Variants in POLA1 observed in about 807,000 individuals in gnomAD.
POLA1 encodes the protein DNA polymerase alpha catalytic subunit.
POLA1 carries 15 observed loss-of-function variants against 124.0 expected under a neutral mutation model. The ratio of observed to expected loss-of-function variants is 0.12; its 90% CI spans 0.08 to 0.19. The LOEUF (loss-of-function observed/expected upper bound fraction) is 0.19, where lower values mean the gene tolerates loss of function less well. Among genes scored for constraint, POLA1 ranks in the 10% least tolerant of loss-of-function variants. POLA1 has a pLI of 1.00. For missense variants in POLA1, 886 were observed against 1,103.4 expected (o/e 0.80, Z 2.79); for synonymous variants, 408 against 389.4 (o/e 1.05, Z -0.56).
intron 25 of POLA1, among the ~76,000 whole-genome samples, 181 bp from the exon 26 acceptor site, chrX:24,748,689 T>C (rs1469298974): frequency 1.8e-5 from 2 of 112,459 alleles, no homozygotes; most frequent in Non-Finnish European, 3.8e-5. Flanking sequence ...CTGTGTTTAC[T>C]TGCTGCTTCT....
intron 35 of POLA1, among the ~76,000 whole-genome samples, chrX:24,904,560 T>G (rs1199179848): frequency 9.0e-6 from 1 of 111,058 alleles, no homozygotes; most frequent in Non-Finnish European, 1.9e-5. Context: ...CCTCTTTCTC[T>G]TTCTTCCTAT....
At chrX:24,854,911 A>G (rs1014832459) in intron 34 of POLA1, among the ~76,000 whole-genome samples, 3 of 111,758 alleles carry the variant, frequency 2.7e-5, no homozygotes, top group African/African-American at 9.7e-5. Flanking sequence ...AATTGGATAT[A>G]TCTAAGAATA....
chrX:24,943,322 T>A (rs764867389), intron 36 of POLA1, among the ~76,000 whole-genome samples: 2 of 112,418 alleles, frequency 1.8e-5, no homozygotes, highest in Admixed American at 1.9e-4. Context: ...ACAATAAAAA[T>A]TAAAGTCCTG....
At chrX:24,741,115 TTGTGTGTGTGTGTGTGTGTG>T (rs751996539) in intron 20 of POLA1, among the ~76,000 whole-genome samples, 2 of 89,559 alleles carry the variant, frequency 2.2e-5, no homozygotes, top group African/African-American at 7.8e-5. Flanking sequence ...TTATGGGATT[TTGTGTGTGTGTGTGTGTGTG>T]TGTGTGTGTG....
At chrX:24,947,441 G>T (rs1788463568) in intron 36 of POLA1, among the ~76,000 whole-genome samples, 1 of 105,589 alleles carries the variant, frequency 9.5e-6, no homozygotes, top group Non-Finnish European at 2.0e-5. Flanking sequence ...CTAATTTTTT[G>T]TATTTTTTTT....
intron 36 of POLA1, among the ~76,000 whole-genome samples, chrX:24,972,988 A>AGC (rs1463170934): frequency 2.7e-5 from 3 of 112,282 alleles, no homozygotes; most frequent in Non-Finnish European, 5.6e-5. Context: ...TAGACAAAGA[A>AGC]GCTTAGCCTT....
At chrX:24,761,856 T>C (rs999685112) in intron 26 of POLA1, among the ~76,000 whole-genome samples, 3 of 111,929 alleles carry the variant, frequency 2.7e-5, no homozygotes, top group Non-Finnish European at 5.6e-5. Flanking sequence ...CCCACTGCCT[T>C]GAGAGGAAAG....
intron 34 of POLA1, among the ~76,000 whole-genome samples, chrX:24,882,653 C>T (rs1394900767): frequency 9.5e-6 from 1 of 105,669 alleles, no homozygotes; most frequent in Admixed American, 1.0e-4. Context: ...TGATCTCATT[C>T]TTTTTTATGG....
chrX:24,797,144 A>T (rs924709477), intron 26 of POLA1, among the ~76,000 whole-genome samples: 2 of 110,796 alleles, frequency 1.8e-5, no homozygotes, highest in Non-Finnish European at 3.8e-5. Context: ...TAAACTGCCA[A>T]TCTGCTTATG....
intron 36 of POLA1, among the ~76,000 whole-genome samples, chrX:24,932,786 C>T (rs997622721): frequency 4.5e-5 from 5 of 111,645 alleles, no homozygotes; most frequent in African/African-American, 1.3e-4. Context: ...CTTTGAGTTT[C>T]CTGCTGTTTA....
At chrX:24,810,958 A>AT (rs1190588693) in intron 28 of POLA1, among the ~76,000 whole-genome samples, 158 bp downstream of exon 28, 2 of 110,399 alleles carry the variant, frequency 1.8e-5, no homozygotes, top group Non-Finnish European at 3.8e-5. Context: ...TTTCTTTATT[A>AT]TTTTTTTCTG....
At chrX:24,906,331 G>T (rs1026328596) in intron 35 of POLA1, among the ~76,000 whole-genome samples, 1 of 112,220 alleles carries the variant, frequency 8.9e-6, no homozygotes, top group South Asian at 3.7e-4. Flanking sequence ...GCCATCAAAC[G>T]AAATGAAATA....
chrX:24,954,210 TCTTTTGAA>T (rs1244914338), intron 36 of POLA1, among the ~76,000 whole-genome samples: 1 of 112,494 alleles, frequency 8.9e-6, no homozygotes, highest in African/African-American at 3.2e-5. Context: ...AAGTATTGTC[TCTTTTGAA>T]CTTTTGAGTG....
At chrX:24,703,159 C>T (rs1928571758) in intron 2 of POLA1, 92 bp from the exon 3 acceptor site, 6 of 602,941 alleles carry the variant, frequency 1.0e-5, no homozygotes, top group Non-Finnish European at 1.6e-5. Context: ...GTCTGCCATT[C>T]CAGTTTCAAT....
At chrX:24,972,949 T>C (rs1228353787) in intron 36 of POLA1, among the ~76,000 whole-genome samples, 3 of 112,428 alleles carry the variant, frequency 2.7e-5, no homozygotes, top group Admixed American at 1.9e-4. Flanking sequence ...CATTAGCCAA[T>C]TCTGGCTTAG....
At chrX:24,747,412 G>T (rs1292103780) in intron 24 of POLA1, among the ~76,000 whole-genome samples, 2 of 110,596 alleles carry the variant, frequency 1.8e-5, no homozygotes, top group East Asian at 5.7e-4. Flanking sequence ...TGATCCACCC[G>T]CCTCGGCCTC....
intron 36 of POLA1, among the ~76,000 whole-genome samples, chrX:24,938,699 A>G (rs2047880968): frequency 8.9e-6 from 1 of 112,675 alleles, no homozygotes; most frequent in African/African-American, 3.2e-5. Flanking sequence ...AGAACGAGAA[A>G]GTTGGTATTG....
At chrX:24,950,572 C>T (rs891987561) in intron 36 of POLA1, among the ~76,000 whole-genome samples, 2 of 111,765 alleles carry the variant, frequency 1.8e-5, no homozygotes, top group East Asian at 5.6e-4. Flanking sequence ...TCTGTTCCAC[C>T]AGTAGTTCAA....
At chrX:24,850,833 TATTA>T (rs1177187729) in intron 34 of POLA1, among the ~76,000 whole-genome samples, 2 of 112,115 alleles carry the variant, frequency 1.8e-5, no homozygotes, top group African/African-American at 3.2e-5. Context: ...GAGAGCTCGT[TATTA>T]ATTATCACTG....
Sources: allele counts gnomAD v4.1 joint callset (sites outside exome capture counted in the v4.1 genomes callset), GRCh38; gene constraint gnomAD v4.1.1; transcripts MANE v1.5; gene names NCBI Gene and HGNC (gene_info 2026-07-23, HGNC 2026-07-21).